Variants in MAP3K7CL observed in about 807,000 individuals in gnomAD.
MAP3K7CL encodes MAP3K7 C-terminal like.
In MAP3K7CL, 16 loss-of-function variants were observed where a neutral mutation model predicts 18.6. The ratio of observed to expected loss-of-function variants is 0.86; its 90% confidence interval spans 0.58 to 1.31. The LOEUF (loss-of-function observed/expected upper bound fraction) is 1.31, where lower values mean the gene tolerates loss of function less well. Ranked by LOEUF, MAP3K7CL falls within the 50% of genes most tolerant of loss-of-function variation. The pLI is 0.00. For synonymous variants in MAP3K7CL, 65 were observed against 66.8 expected, an observed-to-expected ratio of 0.97 and a Z score of 0.13; for missense variants, 163 against 174.4, an observed-to-expected ratio of 0.93 and a Z score of 0.37.
chr21:29,091,745 A>C, exon 3 of MAP3K7CL: 1 of 702,348 alleles, frequency 1.4e-6, no homozygotes, highest in South Asian at 1.5e-5. Flanking sequence ...TGGCTTCTTG[A>C]AGTGCTTGGA....
At chr21:29,125,879 A>G (rs185609328), upstream of MAP3K7CL, among the ~76,000 whole-genome samples, 6 of 152,308 alleles carry the variant, frequency 3.9e-5, no homozygotes, top group African/African-American at 7.2e-5. Context: ...GTCCCGTGGC[A>G]CTTTCTTACC....
intron 4 of MAP3K7CL, among the ~76,000 whole-genome samples, chr21:29,167,700 T>G (rs1340753331): frequency 6.9e-6 from 1 of 145,974 alleles, no homozygotes; most frequent in Non-Finnish European, 1.5e-5. Context: ...CCAATTTTTT[T>G]TTTTTTTTTT....
At chr21:29,114,704 T>A (rs1300133089) in intron 4 of MAP3K7CL, among the ~76,000 whole-genome samples, 1 of 152,168 alleles carries the variant, frequency 6.6e-6, no homozygotes, top group Non-Finnish European at 1.5e-5. Context: ...ATTTTTAAAA[T>A]TCAAAAGCAG....
chr21:29,139,608 G>C (rs139915481), intron 2 of MAP3K7CL, among the ~76,000 whole-genome samples: 1 of 150,958 alleles, frequency 6.6e-6, no homozygotes, highest in Non-Finnish European at 1.5e-5. Flanking sequence ...TTTTTGAGAC[G>C]GAGTCTCACT....
chr21:29,153,008 T>G (rs1179958008), intron 3 of MAP3K7CL, among the ~76,000 whole-genome samples: 1 of 152,236 alleles, frequency 6.6e-6, no homozygotes, highest in African/African-American at 2.4e-5. Context: ...AAATAGCTAT[T>G]TGGTAGACAC....
At chr21:29,143,892 C>T (rs2087064791) in intron 2 of MAP3K7CL, among the ~76,000 whole-genome samples, 1 of 152,118 alleles carries the variant, frequency 6.6e-6, no homozygotes, top group Non-Finnish European at 1.5e-5. Flanking sequence ...GAAGTTTTCA[C>T]CCCTCTGATA....
At chr21:29,138,714 G>A (rs1436928205) in intron 2 of MAP3K7CL, among the ~76,000 whole-genome samples, 1 of 152,096 alleles carries the variant, frequency 6.6e-6, no homozygotes, top group Non-Finnish European at 1.5e-5. Context: ...AGGCACGGTG[G>A]CTCATACCTA....
chr21:29,136,579 C>A (rs140024356), intron 2 of MAP3K7CL, among the ~76,000 whole-genome samples: 2,208 of 151,860 alleles, frequency 0.015, 44 homozygotes, highest in African/African-American at 0.05. Context: ...GGCTGGCGTG[C>A]AGTGGTGCAA....
intron 4 of MAP3K7CL, among the ~76,000 whole-genome samples, chr21:29,116,949 C>G (rs1013023462): frequency 6.6e-6 from 1 of 152,130 alleles, no homozygotes; most frequent in African/African-American, 2.4e-5. Context: ...ACACACTTGT[C>G]TAATTTGAAT....
At chr21:29,141,797 C>A (rs1450827208) in intron 2 of MAP3K7CL, among the ~76,000 whole-genome samples, 1 of 151,990 alleles carries the variant, frequency 6.6e-6, no homozygotes, top group Non-Finnish European at 1.5e-5. Flanking sequence ...TAATTCACAT[C>A]TCTAGTGTTT....
At chr21:29,085,288 A>G (rs995757261), upstream of MAP3K7CL, 3 of 152,340 alleles carry the variant, frequency 2.0e-5, no homozygotes, top group African/African-American at 7.2e-5. Context: ...AGACTTGCTC[A>G]CCAGAACTTG....
At chr21:29,170,851 C>T (rs369431646) in intron 4 of MAP3K7CL, among the ~76,000 whole-genome samples, 4 of 151,744 alleles carry the variant, frequency 2.6e-5, no homozygotes, top group Non-Finnish European at 5.9e-5. Flanking sequence ...GTTGGCCAGG[C>T]TGGTCTCAAA....
At chr21:29,091,327 C>T (rs904926247) in intron 1 of MAP3K7CL, among the ~76,000 whole-genome samples, 3 of 152,154 alleles carry the variant, frequency 2.0e-5, no homozygotes, top group African/African-American at 7.2e-5. Context: ...AAGAGACTGT[C>T]GTTTACAGTT....
At chr21:29,159,482 C>G (rs977644612) in intron 3 of MAP3K7CL, among the ~76,000 whole-genome samples, 3 of 152,186 alleles carry the variant, frequency 2.0e-5, no homozygotes, top group African/African-American at 7.2e-5. Context: ...GAGAGCTTTT[C>G]TTCTCTACTC....
At chr21:29,101,107 AT>A (rs1396918689) in intron 4 of MAP3K7CL, among the ~76,000 whole-genome samples, 1 of 150,906 alleles carries the variant, frequency 6.6e-6, no homozygotes, top group Non-Finnish European at 1.5e-5. Flanking sequence ...GGCCGCAAAC[AT>A]TTTTTATCTT....
At chr21:29,162,828 A>G (rs1488756476) in intron 4 of MAP3K7CL, among the ~76,000 whole-genome samples, 1 of 152,042 alleles carries the variant, frequency 6.6e-6, no homozygotes, top group Non-Finnish European at 1.5e-5. Flanking sequence ...AAAAGGGGCC[A>G]GGCGCAGAGG....
intron 4 of MAP3K7CL, 97 bp downstream of exon 4, chr21:29,160,153 G>T (rs747864405): frequency 6.6e-5 from 54 of 814,004 alleles, no homozygotes; most frequent in Admixed American, 1.8e-4. Flanking sequence ...GAGGATGACA[G>T]GGAGGCAAGG....
intron 2 of MAP3K7CL, among the ~76,000 whole-genome samples, chr21:29,144,606 C>T (rs563048371): frequency 1.2e-3 from 181 of 152,312 alleles, no homozygotes; most frequent in African/African-American, 4.0e-3. Context: ...GGCCACGAAT[C>T]GTGGAGTCTT....
In MAP3K7CL at chr21:29,165,372, G is replaced by T. The variant is rs529791696; in HGVS notation, c.248+5316G>T. ...TTCAATATGTTTTTGGGGCACAGGT[G>T]GTGCTTGGTTACATGAATAAGTTCT... On this transcript the variant is annotated intron_variant, in intron 4 of 4. Transcript: ENST00000399928. Among the ~76,000 whole-genome samples, 5 of 152,100 alleles carry T rather than the reference G, an allele frequency of 3.3e-5. No homozygotes were observed. In the South Asian group the frequency reaches 1.0e-3, roughly 32 times the overall value.
Sources: gnomAD v4.1 joint callset for allele counts (sites outside exome capture counted in the v4.1 genomes callset) on GRCh38, gnomAD v4.1.1 for gene constraint, MANE v1.5 for transcripts, NCBI Gene and HGNC (gene_info 2026-07-23, HGNC 2026-07-21) for gene names.